Variants in CTNNA3 observed in about 807,000 individuals in gnomAD.
CTNNA3 encodes catenin alpha-3.
CTNNA3 carries 76 observed loss-of-function variants against 95.7 expected under a neutral mutation model. The ratio of observed to expected loss-of-function variants is 0.79; its 90% CI spans 0.66 to 0.96. The LOEUF (loss-of-function observed/expected upper bound fraction) is 0.96, where lower values mean the gene tolerates loss of function less well. Ranked by LOEUF, CTNNA3 falls within the 40% of genes least tolerant of loss-of-function variation. The pLI, the probability that CTNNA3 is intolerant of heterozygous loss-of-function variation, is 0.00. For synonymous variants in CTNNA3, 431 were observed against 374.4 expected (o/e 1.15, Z -1.74); for missense variants, 1,191 against 1,089.8 (o/e 1.09, Z -1.31).
At chr10:66,041,277 C>T (rs974191720) in intron 15 of CTNNA3, among the ~76,000 whole-genome samples, 1 of 152,118 alleles carries the variant, frequency 6.6e-6, no homozygotes, top group Non-Finnish European at 1.5e-5. Context: ...GAGGGAATGT[C>T]ATAGATTGGA....
chr10:67,400,828 G>C (rs1175198431), intron 5 of CTNNA3, among the ~76,000 whole-genome samples: 1 of 151,990 alleles, frequency 6.6e-6, no homozygotes. Flanking sequence ...TGAACCATAA[G>C]GCTAAATTTA....
chr10:66,442,853 T>C (rs2102355), intron 11 of CTNNA3, among the ~76,000 whole-genome samples: 58,297 of 151,884 alleles, frequency 0.38, 11,758 homozygotes, highest in African/African-American at 0.51. Context: ...CAAAGCAGGG[T>C]GAGGCACTGC....
chr10:67,540,001 A>G (rs903579650), intron 3 of CTNNA3, among the ~76,000 whole-genome samples: 1 of 152,172 alleles, frequency 6.6e-6, no homozygotes, highest in Admixed American at 6.5e-5. Flanking sequence ...TCAATCATAA[A>G]CAATCCTGCT....
intron 3 of CTNNA3, among the ~76,000 whole-genome samples, chr10:67,562,033 G>C (rs540196163): frequency 6.6e-6 from 1 of 152,160 alleles, no homozygotes. Context: ...GGACCAGATG[G>C]ATTCACAGCC....
At chr10:66,519,580 A>C (rs994950849) in intron 11 of CTNNA3, among the ~76,000 whole-genome samples, 21 of 152,160 alleles carry the variant, frequency 1.4e-4, no homozygotes, top group African/African-American at 5.1e-4. Context: ...TCCTTTGGAA[A>C]AGCTAATCAG....
intron 7 of CTNNA3, among the ~76,000 whole-genome samples, chr10:67,038,894 G>A (rs547753679): frequency 6.6e-6 from 1 of 151,934 alleles, no homozygotes; most frequent in South Asian, 2.1e-4. Flanking sequence ...TTAGTAGAAA[G>A]GAACAAATTA....
chr10:67,695,399 A>G (rs562821975), intron 1 of CTNNA3, among the ~76,000 whole-genome samples: 1 of 152,194 alleles, frequency 6.6e-6, no homozygotes, highest in Non-Finnish European at 1.5e-5. Flanking sequence ...TTTTCTTTAC[A>G]TGATTGATCA....
chr10:67,216,161 G>A (rs1001140297), intron 6 of CTNNA3, among the ~76,000 whole-genome samples: 6 of 152,100 alleles, frequency 3.9e-5, no homozygotes, highest in Non-Finnish European at 8.8e-5. Context: ...CTCCTAACAG[G>A]TGAAAATGTA....
intron 2 of CTNNA3, among the ~76,000 whole-genome samples, chr10:67,634,360 A>G (rs1839238568): frequency 6.6e-6 from 1 of 152,230 alleles, no homozygotes; most frequent in Non-Finnish European, 1.5e-5. Context: ...AAGCATTATC[A>G]GCCACTAAAA....
intron 12 of CTNNA3, among the ~76,000 whole-genome samples, chr10:66,360,870 T>C (rs184207087): frequency 0.019 from 2,737 of 140,960 alleles, 68 homozygotes; most frequent in Non-Finnish European, 0.031. Context: ...TTCTCTTTCT[T>C]TTTCTTTCTT....
At chr10:66,909,823 T>C (rs1846145508) in intron 7 of CTNNA3, among the ~76,000 whole-genome samples, 1 of 152,154 alleles carries the variant, frequency 6.6e-6, no homozygotes, top group Non-Finnish European at 1.5e-5. Flanking sequence ...ATAATTATGA[T>C]AATGATATAG....
chr10:66,770,321 T>G (rs1229972061), intron 8 of CTNNA3, among the ~76,000 whole-genome samples: 4 of 152,178 alleles, frequency 2.6e-5, no homozygotes, highest in African/African-American at 9.7e-5. Context: ...TTCCGCATTA[T>G]TTTCCTGCCC....
intron 5 of CTNNA3, among the ~76,000 whole-genome samples, chr10:67,518,863 GA>G (rs1564710086): frequency 1.3e-5 from 2 of 152,094 alleles, no homozygotes; most frequent in African/African-American, 2.4e-5. Context: ...AGTCCAAGCA[GA>G]TAAACTCCAA....
At chr10:66,331,377 G>A (rs185531923) in intron 12 of CTNNA3, among the ~76,000 whole-genome samples, 5,778 of 83,518 alleles carry the variant, frequency 0.069, 251 homozygotes, top group African/African-American at 0.14. Context: ...TTTTTGAGAC[G>A]GAGTTTTGCT....
Position 65,920,122 on chromosome 10 carries a change from C to A in CTNNA3, c.*208G>T. The stretch of plus-strand genomic sequence containing the variant: ...TCATTCATTCAACAAGCAAATATTC[C>A]TTAACTATTAGGTGCTGACCATACA... On this transcript the variant is annotated 3_prime_UTR_variant, in exon 18 of 18. Coordinates refer to ENST00000433211, the MANE Select transcript of CTNNA3 (RefSeq NM_013266.4). The A allele has an allele frequency of 5.4e-6, 3 of 559,492 alleles. No homozygotes were observed. The highest frequency in any genetic ancestry group is 6.3e-6 in the Non-Finnish European group (2 of 316,088). The allele number at this position is 559,492 out of a possible 1,614,324, so 34.7% of individuals were successfully genotyped here.
intron 1 of CTNNA3, among the ~76,000 whole-genome samples, chr10:67,718,836 G>A (rs1275544476): frequency 6.6e-6 from 1 of 152,128 alleles, no homozygotes; most frequent in Non-Finnish European, 1.5e-5. Context: ...TTAGGGAGGA[G>A]TGCCTCTTTG....
chr10:67,074,150 A>C (rs2723389), intron 7 of CTNNA3, among the ~76,000 whole-genome samples: 85,622 of 147,462 alleles, frequency 0.58, 24,928 homozygotes, highest in Middle Eastern at 0.7. Context: ...CTCCTTCCTC[A>C]GCCTCCCAAG....
intron 11 of CTNNA3, among the ~76,000 whole-genome samples, chr10:66,516,866 C>T (rs189938498): frequency 1.3e-5 from 2 of 152,244 alleles, no homozygotes; most frequent in Admixed American, 6.5e-5. Context: ...TTTGGAGATG[C>T]AATGCTTTAA....
At chr10:67,647,622 T>C (rs1839757828) in intron 1 of CTNNA3, 104 bp from the exon 2 acceptor site, 16 of 820,894 alleles carry the variant, frequency 1.9e-5, no homozygotes, top group Middle Eastern at 2.4e-4. Context: ...TCAGCACCTC[T>C]TCCTGATATC....
Sources: gnomAD v4.1 joint callset for allele counts (sites outside exome capture counted in the v4.1 genomes callset) on GRCh38, gnomAD v4.1.1 for gene constraint, MANE v1.5 for transcripts, NCBI Gene and HGNC (gene_info 2026-07-23, HGNC 2026-07-21) for gene names.